Variants in XKR4 observed in about 807,000 individuals in gnomAD.
XKR4 encodes the protein XK-related protein 4.
Under a neutral mutation model 53.9 loss-of-function variants are expected in XKR4, and 12 were observed. The ratio of observed to expected loss-of-function variants is 0.22; its 90% confidence interval spans 0.14 to 0.36. The LOEUF (loss-of-function observed/expected upper bound fraction) is 0.36. Among genes scored for constraint, XKR4 ranks in the 10% least tolerant of loss-of-function variants. The pLI is 1.00. For missense variants in XKR4, 799 were observed against 859.5 expected, an observed-to-expected ratio of 0.93 and a Z score of 0.88; for synonymous variants, 354 against 362.4, an observed-to-expected ratio of 0.98 and a Z score of 0.26.
rs572119921 is a variant in XKR4 at position 55,239,601 on chromosome 8, C to A, written c.807-118077C>A. ...GATTGTGTTCCTCTTCCCCTCTCAGCCTTTCTATATAGACATTCTTCTAAT... is the reference window on the plus strand; with the variant it reads ...GATTGTGTTCCTCTTCCCCTCTCAGACTTTCTATATAGACATTCTTCTAAT... On this transcript the variant is annotated intron_variant, in intron 1 of 2. Transcript: ENST00000327381. Among the ~76,000 whole-genome samples the A allele has an allele frequency of 2.0e-5, 3 of 152,296 alleles. 1 individual carries two copies. The highest frequency in any genetic ancestry group is 7.2e-5 in the African/African-American group (3 of 41,566).
chr8:55,331,497 C>T (rs1803383649), intron 1 of XKR4, among the ~76,000 whole-genome samples: 2 of 151,890 alleles, frequency 1.3e-5, no homozygotes, highest in South Asian at 2.1e-4. Context: ...TCTTCTATTT[C>T]CTTGTTCATC....
intron 1 of XKR4, among the ~76,000 whole-genome samples, chr8:55,263,587 A>AT (rs1432321922): frequency 8.5e-5 from 13 of 152,240 alleles, no homozygotes; most frequent in Non-Finnish European, 1.6e-4. Context: ...CTGTAATGCT[A>AT]TTTATAGCAC....
At chr8:55,358,255 T>A (rs933891624) in intron 2 of XKR4, among the ~76,000 whole-genome samples, 3 of 152,292 alleles carry the variant, frequency 2.0e-5, no homozygotes, top group South Asian at 4.1e-4. Flanking sequence ...TATGTGTGTA[T>A]GCATGTATGT....
chr8:55,257,045 C>T (rs1563494749), intron 1 of XKR4, among the ~76,000 whole-genome samples: 1 of 152,166 alleles, frequency 6.6e-6, no homozygotes, highest in Non-Finnish European at 1.5e-5. Context: ...GTGGAGCCCT[C>T]CTGACTTAAT....
intron 2 of XKR4, chr8:55,455,063 T>C: frequency 1.4e-6 from 1 of 715,886 alleles, no homozygotes; most frequent in South Asian, 1.5e-5. Flanking sequence ...CTGCAGAATC[T>C]GGCCCTGGCC....
chr8:55,361,355 C>A lies in XKR4; in HGVS notation c.1006+3478C>A, dbSNP rs557739965. 1.1e-4 allele frequency among the ~76,000 whole-genome samples: 16 copies of A among 152,190 alleles called. No homozygotes were observed. In the East Asian group the frequency reaches 3.1e-3, roughly 29 times the overall value. On this transcript the variant is annotated intron_variant, in intron 2 of 2. Transcript: ENST00000327381. ...AGGAGGGAGGGAGACCCCACTCGAC[C>A]GCGGAGATGGACCATGGCATTTCTG...
chr8:55,462,213 G>A (rs1168667892), intron 2 of XKR4, among the ~76,000 whole-genome samples: 3 of 152,288 alleles, frequency 2.0e-5, no homozygotes, highest in Admixed American at 1.3e-4. Context: ...AATGTTAAGG[G>A]CAGCCAGAGA....
intron 1 of XKR4, among the ~76,000 whole-genome samples, chr8:55,189,772 T>C (rs1817421645): frequency 2.0e-5 from 3 of 152,206 alleles, no homozygotes; most frequent in Admixed American, 2.0e-4. Flanking sequence ...TTTCCTGTTC[T>C]TTATAAAGTC....
chr8:55,285,031 T>G (rs759486512), intron 1 of XKR4, among the ~76,000 whole-genome samples: 1 of 152,218 alleles, frequency 6.6e-6, no homozygotes, highest in Non-Finnish European at 1.5e-5. Context: ...GTCAGATTGA[T>G]CCTGTTAAAA....
chr8:55,433,134 C>T (rs1284671291), intron 2 of XKR4, among the ~76,000 whole-genome samples: 1 of 152,118 alleles, frequency 6.6e-6, no homozygotes. Context: ...TTTTTCCCAG[C>T]CCAAGAATTA....
chr8:55,248,672 T>C (rs4332108), intron 1 of XKR4, among the ~76,000 whole-genome samples: 2 of 152,102 alleles, frequency 1.3e-5, no homozygotes, highest in Non-Finnish European at 2.9e-5. Flanking sequence ...CACATGAATG[T>C]AAATAATGTA....
intron 1 of XKR4, among the ~76,000 whole-genome samples, chr8:55,265,754 G>A (rs1818590725): frequency 6.6e-6 from 1 of 151,952 alleles, no homozygotes; most frequent in African/African-American, 2.4e-5. Context: ...GTCAAGGCGG[G>A]CAGATCATGA....
At chr8:55,180,088 A>T (rs370438802) in intron 1 of XKR4, among the ~76,000 whole-genome samples, 1 of 152,206 alleles carries the variant, frequency 6.6e-6, no homozygotes, top group Non-Finnish European at 1.5e-5. Flanking sequence ...TGGATTATAA[A>T]CCCTTCTATT....
intron 2 of XKR4, chr8:55,517,266 T>C (rs1256674466): frequency 6.7e-6 from 1 of 150,160 alleles, no homozygotes; most frequent in African/African-American, 2.5e-5. Flanking sequence ...ACTTGTGCTC[T>C]GTCGATATAT....
At chr8:55,346,035 A>C (rs1162980025) in intron 1 of XKR4, among the ~76,000 whole-genome samples, 5 of 151,914 alleles carry the variant, frequency 3.3e-5, no homozygotes, top group Non-Finnish European at 7.4e-5. Flanking sequence ...AAGAGGAGGA[A>C]TGGAGAATCG....
At position 55,103,192 on chromosome 8, in the gene XKR4, G is replaced by A. The variant is rs1457450298; in HGVS notation, c.704G>A (p.Gly235Glu). 1.2e-6 allele frequency: 2 copies of A among 1,613,922 alleles called. No homozygotes were observed. The highest frequency in any genetic ancestry group is 3.3e-5 in the Admixed American group (2 of 60,012). Residue 235 changes from glycine (G) to glutamate (E), a missense_variant, in exon 1 of 3, where the codon GGG becomes GAG. Physicochemically the swap from Gly to Glu is moderately conservative, Grantham distance 98. Transcript: ENST00000327381. ...GCCAACAGCGGCAGCAACAGCAGCG[G>A]GGCTACCCGGGCCAGTGGCAAGCAC... ...AAANSGSNSSGATRASGKHRS... is the reference protein window; with the variant it reads ...AAANSGSNSSEATRASGKHRS...
chr8:55,190,922 A>G (rs527350626), intron 1 of XKR4, among the ~76,000 whole-genome samples: 120 of 152,222 alleles, frequency 7.9e-4, no homozygotes, highest in African/African-American at 2.8e-3. Context: ...TCCTTCTCTC[A>G]CTTCGTCTTA....
intron 1 of XKR4, among the ~76,000 whole-genome samples, chr8:55,197,234 A>C (rs11990637): frequency 0.093 from 14,136 of 152,066 alleles, 1,721 homozygotes; most frequent in African/African-American, 0.28. Context: ...ATATATCTAT[A>C]ATCTGATTCT....
chr8:55,453,447 G>A, intron 2 of XKR4: 1 of 397,878 alleles, frequency 2.5e-6, no homozygotes, highest in East Asian at 6.9e-5. Flanking sequence ...TTGGCCTCAA[G>A]CATCTTCCCC....
Sources: allele counts gnomAD v4.1 joint callset (sites outside exome capture counted in the v4.1 genomes callset), GRCh38; gene constraint gnomAD v4.1.1; transcripts MANE v1.5; gene names NCBI Gene and HGNC (gene_info 2026-07-23, HGNC 2026-07-21).